Variants in KCTD1 observed in about 807,000 individuals in gnomAD.
KCTD1 encodes the protein BTB/POZ domain-containing protein KCTD1.
KCTD1 carries 24 observed loss-of-function variants against 66.0 expected under a neutral mutation model. The ratio of observed to expected loss-of-function variants is 0.36; its 90% CI spans 0.26 to 0.51. KCTD1 has a LOEUF of 0.51. Ranked by LOEUF, KCTD1 falls within the 20% of genes least tolerant of loss-of-function variation. KCTD1 has a pLI of 0.95. For synonymous variants in KCTD1, 511 were observed against 517.2 expected (o/e 0.99, Z 0.16); for missense variants, 943 against 1,205.2 (o/e 0.78, Z 3.22).
intron 1 of KCTD1, among the ~76,000 whole-genome samples, chr18:26,524,853 A>G (rs1397130602): frequency 6.6e-6 from 1 of 152,212 alleles, no homozygotes; most frequent in Non-Finnish European, 1.5e-5. Context: ...ATTTAAAAAA[A>G]AATCTAAAGG....
At chr18:26,563,246 CA>C (rs1985903229) in intron 1 of KCTD1, among the ~76,000 whole-genome samples, 1 of 152,162 alleles carries the variant, frequency 6.6e-6, no homozygotes, top group Non-Finnish European at 1.5e-5. Context: ...CAAACGTGTC[CA>C]GGCTGAGTTT....
intron 1 of KCTD1, among the ~76,000 whole-genome samples, chr18:26,618,627 G>A (rs1469966719): frequency 6.6e-6 from 1 of 152,194 alleles, no homozygotes; most frequent in East Asian, 1.9e-4. Context: ...TTAATTTACA[G>A]TTCTGTACAC....
chr18:26,644,704 G>C (rs1474744532), upstream of KCTD1, among the ~76,000 whole-genome samples: 2 of 151,656 alleles, frequency 1.3e-5, no homozygotes, highest in African/African-American at 4.9e-5. Context: ...GTTGCCGTGA[G>C]CTGAGATTGC....
chr18:26,532,456 G>T (rs1984496324), intron 1 of KCTD1, among the ~76,000 whole-genome samples: 1 of 151,764 alleles, frequency 6.6e-6, no homozygotes, highest in Non-Finnish European at 1.5e-5. Context: ...TAGAGATGGG[G>T]TCTCATTATG....
intron 1 of KCTD1, among the ~76,000 whole-genome samples, chr18:26,591,818 G>T (rs796642343): frequency 3.3e-5 from 5 of 152,230 alleles, no homozygotes; most frequent in African/African-American, 1.2e-4. Context: ...TAGCACTCCT[G>T]GTGTGTCAAA....
chr18:26,478,702 A>G (rs1434253251), intron 2 of KCTD1, among the ~76,000 whole-genome samples: 1 of 152,186 alleles, frequency 6.6e-6, no homozygotes, highest in East Asian at 1.9e-4. Context: ...GCGGAATGAG[A>G]ATGGGGTTTG....
At chr18:26,474,169 T>C (rs1233772978) in intron 3 of KCTD1, among the ~76,000 whole-genome samples, 2 of 152,162 alleles carry the variant, frequency 1.3e-5, no homozygotes, top group Non-Finnish European at 2.9e-5. Flanking sequence ...TACATGATTT[T>C]CCCCCCACAT....
chr18:26,654,659 A>C (rs960830015), intron 1 of KCTD1, among the ~76,000 whole-genome samples: 48 of 152,128 alleles, frequency 3.2e-4, no homozygotes, highest in African/African-American at 1.1e-3. Flanking sequence ...AATATCTTTC[A>C]CCCTCAATTC....
intron 1 of KCTD1, among the ~76,000 whole-genome samples, chr18:26,579,079 T>C (rs1456752320): frequency 6.6e-6 from 1 of 152,122 alleles, no homozygotes; most frequent in Non-Finnish European, 1.5e-5. Flanking sequence ...ACTGGATGCA[T>C]ATACAAGATG....
intron 1 of KCTD1, among the ~76,000 whole-genome samples, chr18:26,606,013 A>G (rs1987006945): frequency 6.6e-6 from 1 of 152,086 alleles, no homozygotes; most frequent in South Asian, 2.1e-4. Context: ...TAAGACTTAC[A>G]TTGGTTCAAT....
At chr18:26,501,649 C>T (rs372933178) in intron 1 of KCTD1, among the ~76,000 whole-genome samples, 25 of 152,318 alleles carry the variant, frequency 1.6e-4, no homozygotes, top group East Asian at 7.7e-4. Flanking sequence ...TGAGTTAGCC[C>T]TCTCTTTGAA....
upstream of KCTD1, chr18:26,549,907 C>T (rs1310856755): frequency 6.3e-6 from 4 of 631,820 alleles, no homozygotes; most frequent in African/African-American, 2.0e-5. Flanking sequence ...AGGCTCCGGG[C>T]GCGTCCTTGC....
chr18:26,549,570 C>T, upstream of KCTD1: 1 of 769,062 alleles, frequency 1.3e-6, no homozygotes, highest in Non-Finnish European at 1.6e-6. Context: ...CTCCCTGCCC[C>T]TGAGCAAAGT....
At chr18:26,588,870 A>T (rs576207140) in intron 1 of KCTD1, among the ~76,000 whole-genome samples, 2 of 109,796 alleles carry the variant, frequency 1.8e-5, no homozygotes, top group Non-Finnish European at 3.9e-5. Flanking sequence ...TCGAATGCAA[A>T]GCCCTAATAT....
upstream of KCTD1, among the ~76,000 whole-genome samples, chr18:26,644,071 C>G (rs111576090): frequency 2.0e-5 from 3 of 152,278 alleles, no homozygotes; most frequent in African/African-American, 7.2e-5. Context: ...TTTTGCATAG[C>G]ACTTAATCCT....
At position 26,548,270 on chromosome 18, in the gene KCTD1, C is replaced by G. The variant is rs779784037; in HGVS notation, c.267G>C (p.Glu89Asp). 2.0e-6 allele frequency: 3 copies of G among 1,510,080 alleles called. No homozygotes were observed. Among genetic ancestry groups the G allele is most frequent in the South Asian group, 1.2e-5 (1 of 80,578 alleles). 93.5% of individuals were successfully genotyped at this position (1,510,080 alleles called of 1,614,324 possible). The change falls in exon 1 of 5, where the codon GAG becomes GAC. Residue 89 changes from glutamate (E) to aspartate (D), a missense_variant. By Grantham distance (45) the Glu-to-Asp change is conservative. This residue lies in a region of KCTD1 where 236 missense variants were observed against 206.6 expected (regional missense o/e 1.14). Transcript: ENST00000580059. ...EDGGGGLEEDEEEEEEEEMGL... is the reference protein window; with the variant it reads ...EDGGGGLEEDDEEEEEEEMGL... ...CCATCTCCTCCTCTTCCTCCTCCTC[C>G]TCGTCCTCCTCCAGCCCCCCACCTC...
intron 2 of KCTD1, among the ~76,000 whole-genome samples, chr18:26,496,742 A>G (rs961760395): frequency 7.1e-5 from 10 of 140,786 alleles, no homozygotes; most frequent in Admixed American, 2.8e-4. Flanking sequence ...AAGCATGTGC[A>G]CACACACACA....
intron 1 of KCTD1, among the ~76,000 whole-genome samples, chr18:26,637,698 C>A (rs372127320): frequency 6.6e-6 from 1 of 152,200 alleles, no homozygotes; most frequent in Non-Finnish European, 1.5e-5. Flanking sequence ...GTTGATTCAG[C>A]GGTCGGCTCA....
Position 26,601,325 on chromosome 18 carries a change from G to GT in KCTD1, c.-16+27821dup, listed in dbSNP as rs1555646204. 6.6e-3 allele frequency among the ~76,000 whole-genome samples: 85 copies of GT among 12,856 alleles called. 2 individuals carry two copies. Among genetic ancestry groups the GT allele is most frequent in the Middle Eastern group, 0.042 (1 of 24 alleles). 8.4% of individuals were successfully genotyped at this position (12,856 alleles called of 152,430 possible). A position where few individuals can be genotyped will look rare whatever the true frequency, so the allele number is the denominator to read the frequency against. On this transcript the variant is annotated intron_variant, in intron 1 of 4. Coordinates refer to the KCTD1 transcript ENST00000317932. ...TGCCAGTAAATAAAAGTGTTCATTG[G>GT]TAAAAAAAAAAAAAAAAAAAAAAAG...
Sources: allele counts gnomAD v4.1 joint callset (sites outside exome capture counted in the v4.1 genomes callset), GRCh38; gene constraint gnomAD v4.1.1; regional missense constraint gnomAD v4.1.1; transcripts MANE v1.5; gene names NCBI Gene and HGNC (gene_info 2026-07-23, HGNC 2026-07-21).